The following DPP6 variants were observed in gnomAD, a reference collection of about 807,000 sequenced individuals.
DPP6 encodes the protein dipeptidyl peptidase like 6, also known as A-type potassium channel modulatory protein DPP6.
In DPP6, 69 loss-of-function variants were observed where a neutral mutation model predicts 122.6. The observed-to-expected ratio is 0.56, with a 90% CI of 0.46 to 0.69. The LOEUF (loss-of-function observed/expected upper bound fraction) is 0.69. Ranked by LOEUF, DPP6 falls within the 30% of genes least tolerant of loss-of-function variation. The pLI, the probability that DPP6 is intolerant of heterozygous loss-of-function variation, is 0.00. For synonymous variants in DPP6, 418 were observed against 433.1 expected (o/e 0.97, Z 0.43); for missense variants, 928 against 1,116.9 (o/e 0.83, Z 2.41).
intron 6 of DPP6, among the ~76,000 whole-genome samples, chr7:154,666,225 A>G (rs1838157057): frequency 6.6e-6 from 1 of 151,566 alleles, no homozygotes; most frequent in Non-Finnish European, 1.5e-5. Context: ...ATACATACAT[A>G]CATACATACT....
intron 4 of DPP6, among the ~76,000 whole-genome samples, chr7:154,550,153 C>T (rs1017636204): frequency 2.6e-5 from 4 of 151,960 alleles, no homozygotes; most frequent in African/African-American, 9.7e-5. Flanking sequence ...AACAGTTTAC[C>T]TGGATTGCTC....
At chr7:154,388,375 T>G (rs1056243764) in intron 1 of DPP6, among the ~76,000 whole-genome samples, 3 of 152,248 alleles carry the variant, frequency 2.0e-5, no homozygotes, top group African/African-American at 7.2e-5. Flanking sequence ...TTTGAGACTT[T>G]GAAGACATTG....
At chr7:154,376,251 T>C (rs2160124) in intron 1 of DPP6, among the ~76,000 whole-genome samples, 120,738 of 152,176 alleles carry the variant, frequency 0.79, 48,830 homozygotes, top group East Asian at 0.99. Flanking sequence ...TGTGACCAGC[T>C]GTAATTGTGC....
intron 1 of DPP6, among the ~76,000 whole-genome samples, chr7:153,934,014 G>A (rs1054466181): frequency 2.0e-5 from 3 of 152,226 alleles, no homozygotes; most frequent in African/African-American, 7.2e-5. Flanking sequence ...GGACAACCAT[G>A]TGTTTGCTGC....
chr7:153,963,026 G>C (rs1189489198), intron 1 of DPP6, among the ~76,000 whole-genome samples: 1 of 152,038 alleles, frequency 6.6e-6, no homozygotes, highest in East Asian at 1.9e-4. Context: ...TCCTTCATTT[G>C]TATTCTCTAA....
chr7:154,061,882 GGGACTGAGAGGCAA>G (rs1310629310), intron 1 of DPP6, among the ~76,000 whole-genome samples: 5 of 132,858 alleles, frequency 3.8e-5, no homozygotes, highest in African/African-American at 1.1e-4. Context: ...CCGCGAGGCA[GGGACTGAGAGGCAA>G]TCCCTCTTCC....
rs556263310 is a variant in DPP6, at chr7:154,268,047, C to A, written c.244-178167C>A. ...AAAAGCTCTTTGGGGTCCTCAATAG[C>A]TTCTAAAGGTGCAAAGGGTTTCTGA... On this transcript the variant is annotated intron_variant, in intron 1 of 25. Coordinates refer to ENST00000377770, the MANE Select transcript of DPP6 (RefSeq NM_130797.4). 9.2e-5 allele frequency among the ~76,000 whole-genome samples: 14 copies of A among 152,188 alleles called. No homozygotes were observed. The South Asian group carries it at 2.9e-3, about 32-fold the overall frequency.
chr7:154,762,893 C>T (rs749974808), intron 8 of DPP6, among the ~76,000 whole-genome samples: 1 of 152,208 alleles, frequency 6.6e-6, no homozygotes, highest in African/African-American at 2.4e-5. Context: ...AACCTGCCTC[C>T]GATGGTGCAA....
the DPP6 span, among the ~76,000 whole-genome samples, chr7:153,768,177 G>A: frequency 2.9e-3 from 427 of 149,034 alleles, 1 homozygote; most frequent in South Asian, 0.012. Context: ...TACATTTACT[G>A]TGGAAAGGGA....
chr7:154,346,399 C>T (rs1396479277), intron 1 of DPP6, among the ~76,000 whole-genome samples: 1 of 152,122 alleles, frequency 6.6e-6, no homozygotes, highest in Non-Finnish European at 1.5e-5. Context: ...CTCCACCTCC[C>T]AGGTTCAAGC....
intron 1 of DPP6, among the ~76,000 whole-genome samples, chr7:153,893,666 T>A (rs781113813): frequency 6.6e-6 from 1 of 152,220 alleles, no homozygotes; most frequent in Non-Finnish European, 1.5e-5. Context: ...GCATCAATCT[T>A]CTTTATTTGA....
intron 5 of DPP6, among the ~76,000 whole-genome samples, chr7:154,617,224 G>A (rs754052631): frequency 1.3e-5 from 2 of 152,148 alleles, no homozygotes; most frequent in Non-Finnish European, 2.9e-5. Context: ...AGGACAGAAG[G>A]GCAGGGAAGC....
intron 1 of DPP6, among the ~76,000 whole-genome samples, chr7:154,376,181 G>A (rs1221507432): frequency 3.3e-5 from 5 of 152,208 alleles, no homozygotes; most frequent in African/African-American, 1.2e-4. Flanking sequence ...ATTCCCATGT[G>A]CGGGGAAGGG....
intron 1 of DPP6, among the ~76,000 whole-genome samples, chr7:154,292,106 A>G (rs375695133): frequency 3.3e-5 from 5 of 152,244 alleles, no homozygotes; most frequent in African/African-American, 1.2e-4. Context: ...TGATCCATTG[A>G]CAGATTCTCA....
At position 154,580,995 on chromosome 7, in the gene DPP6, A is replaced by G. The variant is rs566017785; in HGVS notation, c.627+14079A>G. Reference sequence around the variant, plus strand: ...CTTCCTAATGTGACCTCAGATCCAAATTTAGAAACAGCCTCTGTTCCCTCC... The same window carrying G: ...CTTCCTAATGTGACCTCAGATCCAAGTTTAGAAACAGCCTCTGTTCCCTCC... On this transcript the variant is annotated intron_variant, in intron 5 of 25. Transcript: ENST00000377770. 2.0e-5 allele frequency among the ~76,000 whole-genome samples: 3 copies of G among 152,248 alleles called. No individual in the cohort carries two copies. In the East Asian group the frequency reaches 5.8e-4, roughly 29 times the overall value.
intron 2 of DPP6, among the ~76,000 whole-genome samples, chr7:154,447,450 A>G (rs1187418416): frequency 6.6e-6 from 1 of 152,202 alleles, no homozygotes; most frequent in East Asian, 1.9e-4. Flanking sequence ...CAGTAAATAC[A>G]TACACAAGCA....
At chr7:154,629,223 T>C (rs1835266201) in intron 5 of DPP6, among the ~76,000 whole-genome samples, 1 of 152,192 alleles carries the variant, frequency 6.6e-6, no homozygotes, top group Non-Finnish European at 1.5e-5. Flanking sequence ...ATGGAACACT[T>C]CAAAATTGCA....
intron 7 of DPP6, among the ~76,000 whole-genome samples, chr7:154,708,845 C>T (rs1844216): frequency 0.088 from 13,336 of 152,142 alleles, 639 homozygotes; most frequent in South Asian, 0.15. Flanking sequence ...GTCAGGAGTT[C>T]GAGACCAGCC....
At chr7:153,998,260 T>C (rs1028396612) in intron 1 of DPP6, among the ~76,000 whole-genome samples, 33 of 152,328 alleles carry the variant, frequency 2.2e-4, no homozygotes, top group African/African-American at 7.7e-4. Flanking sequence ...TAACAAAATG[T>C]GCCAGAACTA....
Sources: gnomAD v4.1 joint callset for allele counts (sites outside exome capture counted in the v4.1 genomes callset) on GRCh38, gnomAD v4.1.1 for gene constraint, MANE v1.5 for transcripts, NCBI Gene and HGNC (gene_info 2026-07-23, HGNC 2026-07-21) for gene names.